Variants in CSMD3 observed in about 807,000 individuals in gnomAD.
CSMD3 encodes CUB and sushi domain-containing protein 3.
A neutral mutation model predicts 435.2 loss-of-function variants in CSMD3; 177 were observed. That is an observed-to-expected ratio of 0.41 (90% CI 0.36 to 0.46). The LOEUF is 0.46. Among genes scored for constraint, CSMD3 ranks in the 20% least tolerant of loss-of-function variants. CSMD3 has a pLI of 0.34. For missense variants in CSMD3, 4,265 were observed against 4,504.6 expected (o/e 0.95, Z 1.52); for synonymous variants, 1,656 against 1,520.5 (o/e 1.09, Z -2.07).
chr8:112,378,362 T>C (rs1321120444), intron 38 of CSMD3, among the ~76,000 whole-genome samples: 2 of 152,010 alleles, frequency 1.3e-5, no homozygotes, highest in African/African-American at 4.8e-5. Flanking sequence ...AAGAGATACC[T>C]CCACTCCCAT....
At chr8:112,764,425 A>G (rs940442976) in intron 13 of CSMD3, among the ~76,000 whole-genome samples, 2 of 151,668 alleles carry the variant, frequency 1.3e-5, no homozygotes, top group African/African-American at 4.8e-5. Flanking sequence ...AACATCGGTG[A>G]ATTTACATTT....
chr8:112,766,564 G>A (rs367730997), intron 13 of CSMD3, among the ~76,000 whole-genome samples: 34 of 151,868 alleles, frequency 2.2e-4, no homozygotes, highest in Middle Eastern at 3.4e-3. Context: ...TTACTAATGA[G>A]GGCTATGCTG....
intron 3 of CSMD3, among the ~76,000 whole-genome samples, chr8:113,260,839 C>A (rs1282765750): frequency 6.6e-6 from 1 of 152,054 alleles, no homozygotes; most frequent in Non-Finnish European, 1.5e-5. Flanking sequence ...GTTTTCTGTT[C>A]CTGTGTTAGT....
chr8:112,336,526 C>T, intron 44 of CSMD3, 126 bp downstream of exon 44: 2 of 768,932 alleles, frequency 2.6e-6, no homozygotes, highest in Non-Finnish European at 4.3e-6. Context: ...CTGTCACCCT[C>T]AGTTACTCAC....
At chr8:112,477,937 G>A (rs964581639) in intron 31 of CSMD3, among the ~76,000 whole-genome samples, 10 of 152,220 alleles carry the variant, frequency 6.6e-5, no homozygotes, top group African/African-American at 2.4e-4. Context: ...CCTGGTGGGA[G>A]GTCACTGAAT....
At chr8:112,690,181 C>G (rs965505055) in intron 13 of CSMD3, 131 bp from the exon 14 acceptor site, 2 of 531,788 alleles carry the variant, frequency 3.8e-6, no homozygotes, top group Non-Finnish European at 6.5e-6. Flanking sequence ...ATTCTCCAAT[C>G]TTTTTTTTTT....
intron 10 of CSMD3, among the ~76,000 whole-genome samples, chr8:112,889,497 T>G (rs2081715924): frequency 6.6e-6 from 1 of 151,710 alleles, no homozygotes; most frequent in Non-Finnish European, 1.5e-5. Context: ...CATTAGTTTA[T>G]TTCTAGATCT....
At chr8:112,768,747 C>A (rs2078040859) in intron 13 of CSMD3, among the ~76,000 whole-genome samples, 1 of 151,880 alleles carries the variant, frequency 6.6e-6, no homozygotes, top group Non-Finnish European at 1.5e-5. Context: ...AATTCCTTTG[C>A]CCCATGTTTC....
intron 3 of CSMD3, among the ~76,000 whole-genome samples, chr8:113,245,893 A>G (rs1359701033): frequency 6.6e-6 from 1 of 151,980 alleles, no homozygotes; most frequent in African/African-American, 2.4e-5. Context: ...ATTGTTTGCT[A>G]CTATAAATTC....
chr8:112,879,486 C>A (rs2081387664), intron 10 of CSMD3, among the ~76,000 whole-genome samples: 1 of 152,056 alleles, frequency 6.6e-6, no homozygotes, highest in South Asian at 2.1e-4. Context: ...ATCACTCTGA[C>A]CTTCTGCTTT....
rs1356707074 is a variant in CSMD3, at chr8:113,098,819, T to G, written c.854A>C (p.Asp285Ala). The change falls in exon 5 of 71, where the codon GAT becomes GCT. Residue 285 changes from aspartate (D) to alanine (A), a missense_variant. Asp to Ala is a moderately radical substitution (Grantham distance 126). This residue lies in a region of CSMD3 where 731 missense variants were observed against 755.4 expected (regional missense o/e 0.97). Coordinates refer to ENST00000297405, the MANE Select transcript of CSMD3 (RefSeq NM_198123.2). ...ATCATATTTCTCTTCCATTTGAAAATCAGTAAATATGAGTGAAATTGTGTC... is the reference window on the plus strand; with the variant it reads ...ATCATATTTCTCTTCCATTTGAAAAGCAGTAAATATGAGTGAAATTGTGTC... ...PGDTISLIFTDFQMEEKYDYL... is the reference protein window; with the variant it reads ...PGDTISLIFTAFQMEEKYDYL... 20 of 1,612,824 alleles carry G rather than the reference T, an allele frequency of 1.2e-5. No individual in the cohort carries two copies. The highest frequency in any genetic ancestry group is 1.7e-5 in the Non-Finnish European group (20 of 1,179,144).
At chr8:113,332,066 G>C (rs966804360) in intron 1 of CSMD3, among the ~76,000 whole-genome samples, 1 of 151,596 alleles carries the variant, frequency 6.6e-6, no homozygotes, top group African/African-American at 2.4e-5. Context: ...CAGTAATAAA[G>C]TAAATATTGC....
intron 24 of CSMD3, among the ~76,000 whole-genome samples, chr8:112,561,069 A>G (rs781463556): frequency 5.9e-5 from 9 of 151,658 alleles, no homozygotes; most frequent in Non-Finnish European, 1.3e-4. Context: ...TGTAGCTGAA[A>G]ATGCACATGG....
chr8:112,888,635 CAG>C (rs2081683339), intron 10 of CSMD3, among the ~76,000 whole-genome samples: 1 of 151,604 alleles, frequency 6.6e-6, no homozygotes, highest in Admixed American at 6.6e-5. Flanking sequence ...CTCAGAAAAA[CAG>C]AGGAAACTGC....
intron 32 of CSMD3, among the ~76,000 whole-genome samples, chr8:112,428,730 A>G (rs967946384): frequency 6.6e-6 from 1 of 152,126 alleles, no homozygotes; most frequent in African/African-American, 2.4e-5. Flanking sequence ...TACATATATG[A>G]CATGTATCAC....
intron 10 of CSMD3, among the ~76,000 whole-genome samples, chr8:112,873,620 C>A (rs1410529804): frequency 6.6e-6 from 1 of 151,914 alleles, no homozygotes; most frequent in Non-Finnish European, 1.5e-5. Context: ...AAATGCTCAA[C>A]AAATGTTTTT....
intron 9 of CSMD3, among the ~76,000 whole-genome samples, chr8:112,925,036 G>T (rs1393590187): frequency 6.6e-6 from 1 of 151,930 alleles, no homozygotes; most frequent in Non-Finnish European, 1.5e-5. Flanking sequence ...AAAATTTCAT[G>T]TCATAATTAT....
In CSMD3 at chr8:113,391,263, A is replaced by G. The variant is rs2094460081; in HGVS notation, c.178+45414T>C. ...GATGGAGGAACTAAGAATAGGCACT[A>G]CTTACACACATTTCAAGTAGTCAGA... On this transcript the variant is annotated intron_variant, in intron 1 of 70. Transcript: ENST00000297405. Among the ~76,000 whole-genome samples, 3 of 152,186 alleles carry G rather than the reference A, an allele frequency of 2.0e-5. No homozygotes were observed. The South Asian group carries it at 6.2e-4, about 32-fold the overall frequency.
chr8:113,424,273 C>T (rs2094623480), intron 1 of CSMD3, among the ~76,000 whole-genome samples: 1 of 151,778 alleles, frequency 6.6e-6, no homozygotes, highest in East Asian at 1.9e-4. Flanking sequence ...GATGAAATGA[C>T]AGTATTTTCC....
Sources: gnomAD v4.1 joint callset for allele counts (sites outside exome capture counted in the v4.1 genomes callset) on GRCh38, gnomAD v4.1.1 for gene constraint, gnomAD v4.1.1 regional missense constraint, MANE v1.5 for transcripts, NCBI Gene and HGNC (gene_info 2026-07-23, HGNC 2026-07-21) for gene names.